The following ATP8A2 variants were observed in gnomAD, a reference collection of about 807,000 sequenced individuals.
The protein encoded by ATP8A2 is ATPase phospholipid transporting 8A2.
A neutral mutation model predicts 165.6 loss-of-function variants in ATP8A2; 100 were observed. The observed-to-expected ratio is 0.60, with a 90% CI of 0.51 to 0.71. The LOEUF is 0.71. Ranked by LOEUF, ATP8A2 falls within the 30% of genes least tolerant of loss-of-function variation. The pLI, the probability that ATP8A2 is intolerant of heterozygous loss-of-function variation, is 0.00. For synonymous variants in ATP8A2, 543 were observed against 548.8 expected, an observed-to-expected ratio of 0.99 and a Z score of 0.15; for missense variants, 1,227 against 1,479.5, an observed-to-expected ratio of 0.83 and a Z score of 2.80.
intron 1 of ATP8A2, among the ~76,000 whole-genome samples, chr13:25,376,223 T>C (rs2032620163): frequency 6.6e-6 from 1 of 152,222 alleles, no homozygotes; most frequent in Admixed American, 6.5e-5. Context: ...TAGTTCAATA[T>C]CAGATCTAAA....
At chr13:25,387,131 A>G (rs2033083839) in intron 1 of ATP8A2, among the ~76,000 whole-genome samples, 1 of 152,228 alleles carries the variant, frequency 6.6e-6, no homozygotes, top group Non-Finnish European at 1.5e-5. Context: ...GGACTAAGAC[A>G]GTGAATAACC....
At position 25,953,933 on chromosome 13, in the gene ATP8A2, G is replaced by A. The variant is rs9507606; in HGVS notation, c.3184-7642G>A. ...AAGCACAAAACTGCATGGCTGTTTC[G>A]GCAGACACCGAGCTAGCTGCAGGAG... On this transcript the variant is annotated intron_variant, in intron 33 of 36. Coordinates refer to ENST00000381655, the MANE Select transcript of ATP8A2 (RefSeq NM_016529.6). The surrounding 1 kb of genome is among the most constrained non-coding windows in gnomAD (Gnocchi z 6.7). Among the ~76,000 whole-genome samples, 103,596 of 151,522 alleles carry A rather than the reference G, an allele frequency of 0.68. 36,387 individuals carry two copies. The highest frequency in any genetic ancestry group is 0.91 in the East Asian group (4,651 of 5,132).
At chr13:25,711,667 T>C (rs1277957385) in intron 25 of ATP8A2, among the ~76,000 whole-genome samples, 1 of 152,182 alleles carries the variant, frequency 6.6e-6, no homozygotes, top group African/African-American at 2.4e-5. Context: ...ATTTAGCACA[T>C]GTTAGACTTC....
At chr13:25,522,225 T>C (rs9507527) in intron 2 of ATP8A2, among the ~76,000 whole-genome samples, 7,021 of 152,304 alleles carry the variant, frequency 0.046, 204 homozygotes, top group Non-Finnish European at 0.069. Flanking sequence ...ACGTTCTTTG[T>C]AGCTATTGTA....
At chr13:25,814,708 T>C (rs1248693174) in intron 27 of ATP8A2, among the ~76,000 whole-genome samples, 1 of 151,556 alleles carries the variant, frequency 6.6e-6, no homozygotes, top group Non-Finnish European at 1.5e-5. Flanking sequence ...GACCCTTACT[T>C]AACACCATAT....
chr13:25,546,250 C>G (rs909006809), intron 10 of ATP8A2, among the ~76,000 whole-genome samples: 2 of 152,140 alleles, frequency 1.3e-5, no homozygotes, highest in Non-Finnish European at 2.9e-5. Context: ...AGGCACTTTT[C>G]CTTGTCCCTA....
intron 33 of ATP8A2, among the ~76,000 whole-genome samples, chr13:25,940,302 C>T (rs1183986465): frequency 6.6e-6 from 1 of 152,188 alleles, no homozygotes; most frequent in African/African-American, 2.4e-5. Flanking sequence ...ATGCTGATGC[C>T]TCCCATCTCC....
At chr13:25,951,694 G>A (rs1162204030) in intron 33 of ATP8A2, among the ~76,000 whole-genome samples, 1 of 152,120 alleles carries the variant, frequency 6.6e-6, no homozygotes, top group Admixed American at 6.5e-5. Flanking sequence ...TACTGGGGGT[G>A]CTTTTGAGAA....
chr13:25,472,040 C>T (rs776772538), intron 2 of ATP8A2, among the ~76,000 whole-genome samples: 9 of 152,034 alleles, frequency 5.9e-5, no homozygotes, highest in Non-Finnish European at 1.2e-4. Context: ...TTTGGTTCGC[C>T]TTGACTCTGT....
rs960856505 is a variant in ATP8A2, at chr13:25,668,375, G to A, written c.2212-30798G>A. ...TTGTATTCTGGGCTCCATGGTTTCT[G>A]ATGAGAAATTGGCAGTTGATTTTAT... On this transcript the variant is annotated intron_variant, in intron 24 of 36. Transcript: ENST00000381655. Among the ~76,000 whole-genome samples the A allele has an allele frequency of 3.9e-5, 6 of 152,070 alleles. No individual in the cohort carries two copies. The East Asian group carries it at 5.8e-4, about 15-fold the overall frequency.
At chr13:25,784,495 A>G (rs1229458178) in intron 27 of ATP8A2, among the ~76,000 whole-genome samples, 2 of 152,222 alleles carry the variant, frequency 1.3e-5, no homozygotes, top group South Asian at 2.1e-4. Flanking sequence ...CAAGGGGTGA[A>G]TGTTACTTTT....
intron 24 of ATP8A2, among the ~76,000 whole-genome samples, chr13:25,604,529 G>T (rs539642825): frequency 2.6e-5 from 4 of 152,326 alleles, no homozygotes; most frequent in African/African-American, 9.6e-5. Context: ...TTTCCAAAAT[G>T]TGTAGTAAAC....
intron 25 of ATP8A2, among the ~76,000 whole-genome samples, chr13:25,703,774 C>T (rs117766918): frequency 1.3e-5 from 2 of 152,218 alleles, no homozygotes; most frequent in East Asian, 3.9e-4. Flanking sequence ...TGGTTGCCAG[C>T]GGTTGGGAGG....
intron 35 of ATP8A2, among the ~76,000 whole-genome samples, chr13:26,000,957 T>C (rs1237492067): frequency 6.6e-6 from 1 of 152,228 alleles, no homozygotes; most frequent in Non-Finnish European, 1.5e-5. Context: ...GTATAACCAT[T>C]ACCACTACCT....
At chr13:25,941,591 C>T (rs896772546) in intron 33 of ATP8A2, among the ~76,000 whole-genome samples, 4 of 152,182 alleles carry the variant, frequency 2.6e-5, no homozygotes, top group Admixed American at 6.5e-5. Context: ...TCTCCTCACC[C>T]GTCCCATCCT....
intron 20 of ATP8A2, among the ~76,000 whole-genome samples, chr13:25,577,781 T>C (rs1450169534): frequency 6.6e-6 from 1 of 152,200 alleles, no homozygotes; most frequent in African/African-American, 2.4e-5. Context: ...GAAAGAATTA[T>C]TAAACTTATT....
Position 25,563,129 on chromosome 13 carries a change from G to A in ATP8A2, c.1398-827G>A, listed in dbSNP as rs2039209236. On this transcript the variant is annotated intron_variant, in intron 15 of 36. Coordinates refer to ENST00000381655, the MANE Select transcript of ATP8A2 (RefSeq NM_016529.6). ...GACAACGTTGAAGTTTCAAGAGGAGGCCAGGTGCGGTGGCTCACGCCTGTA... is the reference window on the plus strand; with the variant it reads ...GACAACGTTGAAGTTTCAAGAGGAGACCAGGTGCGGTGGCTCACGCCTGTA... Among the ~76,000 whole-genome samples the A allele has an allele frequency of 1.3e-5, 2 of 152,204 alleles. 1 individual carries two copies. The highest frequency in any genetic ancestry group is 4.1e-4 in the South Asian group (2 of 4,832).
intron 33 of ATP8A2, among the ~76,000 whole-genome samples, chr13:25,943,998 T>C (rs1010361996): frequency 7.2e-5 from 11 of 152,282 alleles, no homozygotes; most frequent in Middle Eastern, 6.8e-3. Flanking sequence ...TTAAGCAAAA[T>C]AGAAAAAGAC....
intron 1 of ATP8A2, among the ~76,000 whole-genome samples, chr13:25,425,793 G>T (rs2138122640): frequency 6.6e-6 from 1 of 152,222 alleles, no homozygotes; most frequent in East Asian, 1.9e-4. Flanking sequence ...AGCCAGGATG[G>T]TCTCGATCTC....
Sources: gnomAD v4.1 joint callset for allele counts (sites outside exome capture counted in the v4.1 genomes callset) on GRCh38, gnomAD v4.1.1 for gene constraint, Gnocchi (gnomAD v3.1) non-coding constraint, MANE v1.5 for transcripts, NCBI Gene and HGNC (gene_info 2026-07-23, HGNC 2026-07-21) for gene names.